Variants in GNG2 observed in about 807,000 individuals in gnomAD.
The protein encoded by GNG2 is G protein subunit gamma 2.
Under a neutral mutation model 5.5 loss-of-function variants are expected in GNG2, and 5 were observed. The observed-to-expected ratio is 0.91, with a 90% CI of 0.48 to 1.92. GNG2 has a LOEUF of 1.92. GNG2 is among the 30% of genes most tolerant of loss of function. The probability of loss-of-function intolerance (pLI) is 0.01; values close to 1 mark genes in which losing one functional copy is unlikely to be tolerated. For missense variants in GNG2, 55 were observed against 88.4 expected (o/e 0.62, Z 1.52); for synonymous variants, 28 against 32.0 (o/e 0.88, Z 0.42).
chr14:51,868,910 A>G (rs968856585), intron 1 of GNG2, among the ~76,000 whole-genome samples: 2 of 152,196 alleles, frequency 1.3e-5, no homozygotes, highest in East Asian at 1.9e-4. Flanking sequence ...CTACACTGCA[A>G]TCAGCACTAC....
chr14:51,831,848 G>A (rs542638318), intron 2 of GNG2, among the ~76,000 whole-genome samples: 1 of 152,240 alleles, frequency 6.6e-6, no homozygotes, highest in African/African-American at 2.4e-5. Context: ...ATACCAAAGT[G>A]AAATACATTA....
chr14:51,832,326 AATG>A (rs1488698034), intron 2 of GNG2, among the ~76,000 whole-genome samples: 1 of 151,834 alleles, frequency 6.6e-6, no homozygotes, highest in Non-Finnish European at 1.5e-5. Context: ...AGCTATTTCA[AATG>A]ATGATAAGAG....
chr14:51,899,244 C>T (rs752288113), intron 2 of GNG2, among the ~76,000 whole-genome samples: 5 of 152,158 alleles, frequency 3.3e-5, no homozygotes, highest in African/African-American at 1.2e-4. Context: ...CCTCCATCAG[C>T]TCTTGACTGG....
intron 2 of GNG2, among the ~76,000 whole-genome samples, chr14:51,903,424 A>G (rs1365878998): frequency 6.6e-6 from 1 of 152,216 alleles, no homozygotes; most frequent in Non-Finnish European, 1.5e-5. Flanking sequence ...CATAACTACC[A>G]TGAATAACAA....
intron 2 of GNG2, among the ~76,000 whole-genome samples, chr14:51,895,795 A>T (rs1034868016): frequency 1.3e-5 from 2 of 152,190 alleles, no homozygotes; most frequent in African/African-American, 2.4e-5. Flanking sequence ...AGATGATTGA[A>T]TTATGGGGCG....
At chr14:51,949,316 A>G (rs572283563) in intron 2 of GNG2, among the ~76,000 whole-genome samples, 2 of 152,290 alleles carry the variant, frequency 1.3e-5, no homozygotes, top group Admixed American at 6.5e-5. Context: ...AATAACTACC[A>G]AAAGAGATAA....
upstream of GNG2, among the ~76,000 whole-genome samples, chr14:51,858,975 C>T (rs922988003): frequency 1.3e-5 from 2 of 152,192 alleles, no homozygotes; most frequent in African/African-American, 4.8e-5. Context: ...TGTCTCAGAA[C>T]ATTTCATAGA....
Position 51,945,788 on chromosome 14 carries a change from A to ATGTG in GNG2, c.-29-4849_-29-4846dup, listed in dbSNP as rs35088349. Among the ~76,000 whole-genome samples the ATGTG allele has an allele frequency of 1.8e-3, 265 of 150,048 alleles. 1 individual carries two copies. Among genetic ancestry groups the ATGTG allele is most frequent in the African/African-American group, 6.0e-3 (242 of 40,014 alleles). On this transcript the variant is annotated intron_variant, in intron 2 of 3. Coordinates refer to ENST00000556766, the MANE Select transcript of GNG2 (RefSeq NM_053064.5). Reference sequence around the variant, plus strand: ...GGTGTGTGCATGTATGTGTATGTGTATGTGTGTGTGTGTGTGATGCAGGGT... The same window carrying ATGTG: ...GGTGTGTGCATGTATGTGTATGTGTATGTGTGTGTGTGTGTGTGTGATGCAGGGT...
chr14:51,840,323 A>G (rs974547562), intron 2 of GNG2, among the ~76,000 whole-genome samples: 2 of 152,316 alleles, frequency 1.3e-5, no homozygotes, highest in South Asian at 2.1e-4. Flanking sequence ...CTTTCTGTCA[A>G]TCATGTCCCC....
At chr14:51,953,224 T>G (rs1424543668) in intron 3 of GNG2, among the ~76,000 whole-genome samples, 2 of 152,234 alleles carry the variant, frequency 1.3e-5, no homozygotes, top group East Asian at 3.8e-4. Flanking sequence ...GTTCAGTTGT[T>G]CATTCATTTA....
At chr14:51,897,790 G>T (rs1885294643) in intron 2 of GNG2, among the ~76,000 whole-genome samples, 1 of 152,204 alleles carries the variant, frequency 6.6e-6, no homozygotes, top group African/African-American at 2.4e-5. Context: ...CCATGTTGGA[G>T]CCAGGGTCCC....
At position 51,877,631 on chromosome 14, in the gene GNG2, G is replaced by A. The variant is rs532760856; in HGVS notation, c.-56G>A. ...TTTCTCAACAGCCAGATCTGCCAGTGAGCCTCAGGCTTTAGGAACTGAAGA... is the reference window on the plus strand; with the variant it reads ...TTTCTCAACAGCCAGATCTGCCAGTAAGCCTCAGGCTTTAGGAACTGAAGA... On this transcript the variant is annotated 5_prime_UTR_variant, in exon 2 of 4. Coordinates refer to ENST00000556766, the MANE Select transcript of GNG2 (RefSeq NM_053064.5). 1 of 455,644 alleles carries A rather than the reference G, an allele frequency of 2.2e-6. No homozygotes were observed. Among genetic ancestry groups the A allele is most frequent in the African/African-American group, 2.0e-5 (1 of 50,126 alleles). The allele number at this position is 455,644 out of a possible 1,614,324, so 28.2% of individuals were successfully genotyped here.
At chr14:51,966,494 A>G in intron 3 of GNG2, 65 bp from the exon 4 acceptor site, 1 of 1,463,334 alleles carries the variant, frequency 6.8e-7, no homozygotes, top group Non-Finnish European at 9.6e-7. Context: ...ATTGGGCTCT[A>G]AAGCCTTGGG....
chr14:51,905,668 G>T (rs1381752294), intron 2 of GNG2, among the ~76,000 whole-genome samples: 1 of 152,154 alleles, frequency 6.6e-6, no homozygotes, highest in Non-Finnish European at 1.5e-5. Flanking sequence ...GATATGGTTT[G>T]GCTGTGTCCC....
At chr14:51,829,824 G>A (rs183171755) in intron 2 of GNG2, among the ~76,000 whole-genome samples, 1 of 148,094 alleles carries the variant, frequency 6.8e-6, no homozygotes, top group Non-Finnish European at 1.5e-5. Context: ...TATGCTCCTA[G>A]TTGATCACTC....
At chr14:51,833,281 C>T (rs1486743087) in intron 2 of GNG2, among the ~76,000 whole-genome samples, 1 of 152,250 alleles carries the variant, frequency 6.6e-6, no homozygotes, top group Non-Finnish European at 1.5e-5. Flanking sequence ...ACCCCCAAAT[C>T]TGTCTTCTAA....
At chr14:51,925,487 G>C (rs1298662847) in intron 2 of GNG2, among the ~76,000 whole-genome samples, 1 of 152,194 alleles carries the variant, frequency 6.6e-6, no homozygotes, top group Non-Finnish European at 1.5e-5. Context: ...TGTAGGTAAA[G>C]ATAATTAAAA....
At chr14:51,960,535 G>A (rs1357247050) in intron 3 of GNG2, among the ~76,000 whole-genome samples, 1 of 138,356 alleles carries the variant, frequency 7.2e-6, no homozygotes, top group Non-Finnish European at 1.5e-5. Context: ...TCTTCTGTAT[G>A]TCTTTTTATC....
rs570228451 is a variant in GNG2, at chr14:51,938,155, T to C, written c.-29-12495T>C. Among the ~76,000 whole-genome samples, 16 of 152,310 alleles carry C rather than the reference T, an allele frequency of 1.1e-4. No homozygotes were observed. The South Asian group carries it at 3.1e-3, about 30-fold the overall frequency. Reference sequence around the variant, plus strand: ...TTTAGAATAGTCACCATCTCTTTAATAGGTTCTTCATGAAAGTTAGAAATT... The same window carrying C: ...TTTAGAATAGTCACCATCTCTTTAACAGGTTCTTCATGAAAGTTAGAAATT... On this transcript the variant is annotated intron_variant, in intron 2 of 3. Coordinates refer to ENST00000556766, the MANE Select transcript of GNG2 (RefSeq NM_053064.5).
Sources: gnomAD v4.1 joint callset for allele counts (sites outside exome capture counted in the v4.1 genomes callset) on GRCh38, gnomAD v4.1.1 for gene constraint, MANE v1.5 for transcripts, NCBI Gene and HGNC (gene_info 2026-07-23, HGNC 2026-07-21) for gene names.